The following SDHC variants were observed in gnomAD, a reference collection of about 807,000 sequenced individuals.
SDHC encodes the protein succinate dehydrogenase complex subunit C, also known as succinate dehydrogenase cytochrome b560 subunit, mitochondrial.
A neutral mutation model predicts 22.6 loss-of-function variants in SDHC; 11 were observed. The observed-to-expected ratio is 0.49, with a 90% CI of 0.31 to 0.81. SDHC has a LOEUF of 0.81. Among genes scored for constraint, SDHC ranks in the 30% least tolerant of loss-of-function variants. The pLI is 0.05. For synonymous variants in SDHC, 80 were observed against 77.8 expected, an observed-to-expected ratio of 1.03 and a Z score of -0.15; for missense variants, 160 against 212.0, an observed-to-expected ratio of 0.75 and a Z score of 1.52.
intron 3 of SDHC, among the ~76,000 whole-genome samples, chr1:161,334,715 G>C (rs191524279): frequency 6.6e-6 from 1 of 151,820 alleles, no homozygotes; most frequent in African/African-American, 2.4e-5. Flanking sequence ...CTGGGATTAC[G>C]GCTCACTCCC....
intron 1 of SDHC, 102 bp downstream of exon 1, chr1:161,314,527 GA>G: frequency 7.0e-7 from 1 of 1,434,134 alleles, no homozygotes; most frequent in Non-Finnish European, 9.8e-7. Context: ...CCTGGGCAGG[GA>G]AAGGACCCAT....
chr1:161,323,879 G>A (rs998864269), intron 2 of SDHC, among the ~76,000 whole-genome samples: 1 of 151,980 alleles, frequency 6.6e-6, no homozygotes, highest in Non-Finnish European at 1.5e-5. Flanking sequence ...TGTATTTTTA[G>A]TAGAGACAGG....
chr1:161,340,760 A>G, intron 4 of SDHC, 105 bp downstream of exon 4: 1 of 842,366 alleles, frequency 1.2e-6, no homozygotes, highest in East Asian at 2.4e-5. Context: ...CTTGATTTAG[A>G]GGGAACAGTA....
At chr1:161,342,509 C>CTT (rs372507462) in intron 4 of SDHC, among the ~76,000 whole-genome samples, 4 of 141,480 alleles carry the variant, frequency 2.8e-5, no homozygotes, top group Non-Finnish European at 3.1e-5. Context: ...CCTGGTATGT[C>CTT]TTTTTTTTTT....
At chr1:161,335,421 C>T (rs900528855) in intron 3 of SDHC, among the ~76,000 whole-genome samples, 13 of 152,040 alleles carry the variant, frequency 8.6e-5, no homozygotes, top group Non-Finnish European at 1.5e-4. Context: ...GAGGTACTTG[C>T]CTAAATCATT....
At chr1:161,348,027 G>T (rs1671960630) in intron 4 of SDHC, among the ~76,000 whole-genome samples, 1 of 151,936 alleles carries the variant, frequency 6.6e-6, no homozygotes, top group Non-Finnish European at 1.5e-5. Flanking sequence ...CTGGCCTCCT[G>T]GATAAATACA....
intron 3 of SDHC, chr1:161,339,660 G>A: frequency 1.1e-5 from 1 of 87,234 alleles, no homozygotes; most frequent in South Asian, 1.1e-4. Context: ...CCTGATACAG[G>A]TGTTTTTTTT....
intron 4 of SDHC, among the ~76,000 whole-genome samples, chr1:161,346,784 C>T (rs538568870): frequency 1.3e-5 from 2 of 152,150 alleles, no homozygotes; most frequent in African/African-American, 4.8e-5. Flanking sequence ...GAGATTGGTT[C>T]CAGGATTCCT....
At chr1:161,334,683 C>G (rs2102322088) in intron 3 of SDHC, among the ~76,000 whole-genome samples, 1 of 148,298 alleles carries the variant, frequency 6.7e-6, no homozygotes, top group East Asian at 2.0e-4. Context: ...AAGCTGTCCT[C>G]CCACTTCGGC....
intron 4 of SDHC, among the ~76,000 whole-genome samples, chr1:161,352,123 C>T (rs918321959): frequency 3.3e-5 from 5 of 152,152 alleles, no homozygotes; most frequent in African/African-American, 1.2e-4. Flanking sequence ...AGAGGACTCT[C>T]TGAGGCACTC....
Position 161,362,309 on chromosome 1 carries a change from T to G in SDHC, c.406-20T>G. The G allele has an allele frequency of 6.2e-7, 1 of 1,600,684 alleles. No individual in the cohort carries two copies. The highest frequency in any genetic ancestry group is 8.5e-7 in the Non-Finnish European group (1 of 1,174,196). ...CCTATTTACTGAAATTCCTTTTTTT[T>G]TTTTTTGCTTTGTCCACAGATGTGG... On this transcript the variant is annotated intron_variant, in intron 5 of 5. Transcript: ENST00000367975.
intron 1 of SDHC, among the ~76,000 whole-genome samples, chr1:161,316,834 T>G (rs1276200673): frequency 6.6e-6 from 1 of 152,202 alleles, no homozygotes; most frequent in East Asian, 1.9e-4. Context: ...AAATACCTTC[T>G]GAGAAATCCT....
chr1:161,346,745 C>CAAA (rs57728204), intron 4 of SDHC, among the ~76,000 whole-genome samples: 17,751 of 151,944 alleles, frequency 0.12, 1,398 homozygotes, highest in African/African-American at 0.22. Context: ...GAGAAACCAA[C>CAAA]AAATACAGTT....
At chr1:161,352,791 G>A (rs1672135838) in intron 4 of SDHC, among the ~76,000 whole-genome samples, 1 of 152,066 alleles carries the variant, frequency 6.6e-6, no homozygotes, top group Admixed American at 6.6e-5. Flanking sequence ...CCTGGCTAAT[G>A]TAGTGAAACC....
At chr1:161,325,028 C>G (rs1481134992) in intron 2 of SDHC, among the ~76,000 whole-genome samples, 1 of 151,780 alleles carries the variant, frequency 6.6e-6, no homozygotes, top group African/African-American at 2.4e-5. Flanking sequence ...GAGAGAGACC[C>G]AGTCTCTACA....
intron 5 of SDHC, among the ~76,000 whole-genome samples, chr1:161,357,375 T>C (rs1397605867): frequency 2.6e-5 from 4 of 152,100 alleles, no homozygotes; most frequent in Non-Finnish European, 5.9e-5. Context: ...AGGGTCTCAT[T>C]GGGAACTCTT....
chr1:161,357,149 A>G (rs1248304485), intron 5 of SDHC, among the ~76,000 whole-genome samples: 2 of 151,886 alleles, frequency 1.3e-5, no homozygotes. Flanking sequence ...CTGGTCTCAA[A>G]CTCCTGGCCT....
intron 3 of SDHC, among the ~76,000 whole-genome samples, chr1:161,329,625 C>G (rs1283217202): frequency 6.6e-6 from 1 of 152,210 alleles, no homozygotes; most frequent in Non-Finnish European, 1.5e-5. Context: ...AGCCATCACG[C>G]CCAGTCCCTG....
intron 1 of SDHC, 125 bp downstream of exon 1, chr1:161,314,550 C>A: frequency 8.4e-7 from 1 of 1,197,592 alleles, no homozygotes. Flanking sequence ...GGTGTGGAGG[C>A]CAAGCGCTCG....
Sources: allele counts gnomAD v4.1 joint callset (sites outside exome capture counted in the v4.1 genomes callset), GRCh38; gene constraint gnomAD v4.1.1; transcripts MANE v1.5; gene names NCBI Gene and HGNC (gene_info 2026-07-23, HGNC 2026-07-21).